Variants in KIAA1217 observed in about 807,000 individuals in gnomAD.
The protein encoded by KIAA1217 is KIAA1217.
In KIAA1217, 88 loss-of-function variants were observed where a neutral mutation model predicts 163.9. That is an observed-to-expected ratio of 0.54 (90% CI 0.45 to 0.64). The LOEUF is 0.64. KIAA1217 is among the 30% of genes least tolerant of loss of function. The pLI is 0.00. For synonymous variants in KIAA1217, 903 were observed against 923.1 expected (o/e 0.98, Z 0.39); for missense variants, 2,372 against 2,475.0 (o/e 0.96, Z 0.88).
At chr10:23,995,754 C>A (rs760608581) in intron 1 of KIAA1217, among the ~76,000 whole-genome samples, 90 of 152,152 alleles carry the variant, frequency 5.9e-4, no homozygotes, top group Non-Finnish European at 1.2e-3. Flanking sequence ...GAACCAGGTG[C>A]TGCCTGCCTG....
chr10:24,390,943 C>G (rs545327796), intron 3 of KIAA1217, among the ~76,000 whole-genome samples: 6 of 152,218 alleles, frequency 3.9e-5, no homozygotes, highest in Admixed American at 3.9e-4. Flanking sequence ...TGTAAAAGAT[C>G]ATGTGGATTC....
intron 1 of KIAA1217, among the ~76,000 whole-genome samples, chr10:23,761,881 A>G (rs1383632545): frequency 7.9e-5 from 12 of 152,182 alleles, no homozygotes; most frequent in Admixed American, 7.9e-4. Context: ...AATAAAGAAG[A>G]GAAGAATCAA....
At chr10:24,409,127 A>G (rs2131290216) in intron 3 of KIAA1217, among the ~76,000 whole-genome samples, 1 of 152,238 alleles carries the variant, frequency 6.6e-6, no homozygotes, top group South Asian at 2.1e-4. Context: ...TCACAGGGGG[A>G]CAGATTTTTT....
At chr10:23,817,651 G>A (rs1276285305) in intron 1 of KIAA1217, among the ~76,000 whole-genome samples, 2 of 152,014 alleles carry the variant, frequency 1.3e-5, no homozygotes, top group Non-Finnish European at 2.9e-5. Context: ...GAAATTGGAG[G>A]TCAGAGTAAT....
At chr10:24,051,604 T>A (rs1470928763) in intron 2 of KIAA1217, among the ~76,000 whole-genome samples, 1 of 152,146 alleles carries the variant, frequency 6.6e-6, no homozygotes, top group African/African-American at 2.4e-5. Flanking sequence ...TTTAACCCCA[T>A]CAACGCCAAC....
chr10:24,309,333 C>G (rs997154674), intron 2 of KIAA1217, among the ~76,000 whole-genome samples: 1 of 89,592 alleles, frequency 1.1e-5, no homozygotes, highest in Non-Finnish European at 2.2e-5. Flanking sequence ...GACAAATAGG[C>G]GCGCGCACGC....
At chr10:23,917,556 G>GC (rs1381503664) in intron 1 of KIAA1217, among the ~76,000 whole-genome samples, 2 of 152,242 alleles carry the variant, frequency 1.3e-5, no homozygotes, top group Non-Finnish European at 2.9e-5. Flanking sequence ...GAGATCTGGA[G>GC]CAAGAACTCT....
At chr10:24,051,016 CT>C (rs1223263486) in intron 2 of KIAA1217, among the ~76,000 whole-genome samples, 2 of 152,104 alleles carry the variant, frequency 1.3e-5, no homozygotes, top group African/African-American at 2.4e-5. Flanking sequence ...TTTTGGTACA[CT>C]GATCACCTAA....
intron 6 of KIAA1217, among the ~76,000 whole-genome samples, chr10:24,488,568 G>A (rs2065700759): frequency 6.6e-6 from 1 of 152,112 alleles, no homozygotes; most frequent in African/African-American, 2.4e-5. Flanking sequence ...GGGAGTTTGG[G>A]GAACAATGTC....
At chr10:24,489,999 G>A (rs946072525) in intron 6 of KIAA1217, among the ~76,000 whole-genome samples, 10 of 151,064 alleles carry the variant, frequency 6.6e-5, no homozygotes, top group East Asian at 1.9e-4. Flanking sequence ...ATTTTGCTTC[G>A]TCTTCACAGA....
At chr10:24,369,179 A>ATGTGTGTGTGTGTGTGTG (rs59687010) in intron 2 of KIAA1217, among the ~76,000 whole-genome samples, 80 of 139,634 alleles carry the variant, frequency 5.7e-4, no homozygotes, top group South Asian at 2.5e-3. Context: ...AACTTTCACT[A>ATGTGTGTGTGTGTGTGTG]TGTGTGTGTG....
At chr10:23,751,014 T>C (rs1241470057) in intron 1 of KIAA1217, among the ~76,000 whole-genome samples, 4 of 151,704 alleles carry the variant, frequency 2.6e-5, no homozygotes, top group African/African-American at 7.3e-5. Flanking sequence ...TTGTTTTTTT[T>C]TTGTTTGTTT....
At chr10:24,513,055 T>G (rs1592557585) in intron 9 of KIAA1217, among the ~76,000 whole-genome samples, 1 of 152,110 alleles carries the variant, frequency 6.6e-6, no homozygotes, top group Non-Finnish European at 1.5e-5. Flanking sequence ...GGCAGTCTGG[T>G]TGCCAGTTGG....
At chr10:24,440,564 G>A (rs961352454) in intron 5 of KIAA1217, among the ~76,000 whole-genome samples, 36 of 152,248 alleles carry the variant, frequency 2.4e-4, no homozygotes, top group African/African-American at 8.4e-4. Flanking sequence ...TGAGAGTATC[G>A]AATATTGACC....
rs61095518 is a variant in KIAA1217, at chr10:23,766,568, C to CT, written c.-321+71344dup. 5.2e-4 allele frequency among the ~76,000 whole-genome samples: 74 copies of CT among 141,556 alleles called. 1 individual carries two copies. Among genetic ancestry groups the CT allele is most frequent in the South Asian group, 2.0e-3 (9 of 4,460 alleles). 92.9% of individuals were successfully genotyped at this position (141,556 alleles called of 152,430 possible). The stretch of plus-strand genomic sequence containing the variant: ...ATTCTTTCTTTTTTCTTTTTCTTTT[C>CT]TTTTTTTTTTCTTTCTTTCTTTTTT... On this transcript the variant is annotated intron_variant, in intron 1 of 18. Transcript: ENST00000376462.
chr10:24,189,324 C>A (rs2066602465), intron 2 of KIAA1217, among the ~76,000 whole-genome samples: 1 of 151,978 alleles, frequency 6.6e-6, no homozygotes, highest in Non-Finnish European at 1.5e-5. Context: ...ATAGGATGAC[C>A]CCAAATCATT....
intron 2 of KIAA1217, among the ~76,000 whole-genome samples, chr10:24,369,218 T>TGTG (rs1564553011): frequency 1.3e-5 from 2 of 151,618 alleles, no homozygotes; most frequent in South Asian, 2.1e-4. Flanking sequence ...TGTGTGTGTG[T>TGTG]TTTCATTTGA....
chr10:23,818,018 T>C (rs1179139890), intron 1 of KIAA1217, among the ~76,000 whole-genome samples: 4 of 132,948 alleles, frequency 3.0e-5, no homozygotes, highest in Non-Finnish European at 6.2e-5. Context: ...TACACACATA[T>C]ATATACACAC....
At chr10:23,983,041 C>G (rs113837385) in intron 1 of KIAA1217, among the ~76,000 whole-genome samples, 1 of 151,870 alleles carries the variant, frequency 6.6e-6, no homozygotes. Flanking sequence ...CTCATTCTCC[C>G]AAGACTGGCA....
Sources: gnomAD v4.1 joint callset for allele counts (sites outside exome capture counted in the v4.1 genomes callset) on GRCh38, gnomAD v4.1.1 for gene constraint, MANE v1.5 for transcripts, NCBI Gene and HGNC (gene_info 2026-07-23, HGNC 2026-07-21) for gene names.